Variants in CEP112 observed in about 807,000 individuals in gnomAD.
CEP112 encodes the protein centrosomal protein of 112 kDa.
A neutral mutation model predicts 153.0 loss-of-function variants in CEP112; 127 were observed. The observed-to-expected ratio is 0.83, with a 90% confidence interval of 0.72 to 0.96. The LOEUF is 0.96. Ranked by LOEUF, CEP112 falls within the 40% of genes least tolerant of loss-of-function variation. The pLI is 0.00. For missense variants in CEP112, 1,089 were observed against 1,101.2 expected (o/e 0.99, Z 0.16); for synonymous variants, 358 against 374.4 (o/e 0.96, Z 0.51).
intron 24 of CEP112, among the ~76,000 whole-genome samples, chr17:65,679,203 C>T (rs1237110340): frequency 1.2e-4 from 13 of 110,228 alleles, no homozygotes; most frequent in East Asian, 3.1e-4. Context: ...CAAACTGTCA[C>T]GGAGAATAAC....
intron 6 of CEP112, among the ~76,000 whole-genome samples, chr17:66,100,052 A>G (rs1200229044): frequency 1.3e-5 from 2 of 152,192 alleles, no homozygotes; most frequent in African/African-American, 4.8e-5. Context: ...ATAGGAGGTG[A>G]CTAGATTCAG....
At chr17:66,186,258 C>G (rs78675586) in intron 1 of CEP112, among the ~76,000 whole-genome samples, 1 of 152,056 alleles carries the variant, frequency 6.6e-6, no homozygotes, top group Non-Finnish European at 1.5e-5. Context: ...CAAAGAAACC[C>G]GTCTGAAACT....
chr17:65,644,744 T>C (rs893151870), intron 24 of CEP112: 10 of 153,348 alleles, frequency 6.5e-5, no homozygotes, highest in African/African-American at 2.4e-4. Context: ...TCTCATAACT[T>C]TGTGAACACA....
intron 18 of CEP112, among the ~76,000 whole-genome samples, chr17:65,936,911 C>A (rs1262540147): frequency 1.7e-4 from 25 of 150,956 alleles, no homozygotes; most frequent in Admixed American, 1.7e-3. Context: ...ACTGCAACCT[C>A]CCTGCCTGAT....
chr17:66,049,482 G>A (rs140863887), intron 12 of CEP112, among the ~76,000 whole-genome samples: 43 of 152,286 alleles, frequency 2.8e-4, no homozygotes, highest in Non-Finnish European at 5.1e-4. Context: ...AGCTGCAGTG[G>A]TGCACACCTG....
chr17:66,131,437 A>T (rs7211683), intron 5 of CEP112, among the ~76,000 whole-genome samples: 20,236 of 152,248 alleles, frequency 0.13, 1,841 homozygotes, highest in Non-Finnish European at 0.21. Context: ...ATATAGTGCT[A>T]TGTGCTAAAA....
At chr17:66,150,039 G>A (rs1456458560) in intron 4 of CEP112, among the ~76,000 whole-genome samples, 3 of 148,642 alleles carry the variant, frequency 2.0e-5, no homozygotes, top group Non-Finnish European at 3.0e-5. Context: ...CACTACGGGC[G>A]CATGCTATCA....
At chr17:65,668,880 C>T (rs1290455620) in intron 24 of CEP112, among the ~76,000 whole-genome samples, 1 of 152,170 alleles carries the variant, frequency 6.6e-6, no homozygotes, top group Non-Finnish European at 1.5e-5. Context: ...TTCCATTGGC[C>T]TCTCCTTTCT....
chr17:65,874,569 A>T (rs1020687891), intron 20 of CEP112, among the ~76,000 whole-genome samples: 2 of 152,116 alleles, frequency 1.3e-5, no homozygotes, highest in African/African-American at 4.8e-5. Context: ...TTTCTCTCTG[A>T]AATAATGTCA....
intron 1 of CEP112, among the ~76,000 whole-genome samples, chr17:66,186,516 C>T (rs1463440387): frequency 6.6e-6 from 1 of 152,118 alleles, no homozygotes; most frequent in Non-Finnish European, 1.5e-5. Context: ...GTCTTGATCT[C>T]CTGACCTCGT....
chr17:66,171,704 A>G (rs890304833), intron 4 of CEP112, among the ~76,000 whole-genome samples: 9 of 152,216 alleles, frequency 5.9e-5, no homozygotes, highest in Admixed American at 5.2e-4. Context: ...TTATTTTTAA[A>G]TGTCTTCATG....
intron 25 of CEP112, among the ~76,000 whole-genome samples, chr17:65,640,705 T>C (rs1222982008): frequency 6.6e-6 from 1 of 152,190 alleles, no homozygotes; most frequent in Admixed American, 6.5e-5. Context: ...TATTGGAAGG[T>C]AGACTGTAAA....
At chr17:66,038,285 A>C (rs1385540001) in intron 12 of CEP112, among the ~76,000 whole-genome samples, 1 of 152,184 alleles carries the variant, frequency 6.6e-6, no homozygotes, top group Non-Finnish European at 1.5e-5. Flanking sequence ...TCAAACAAAT[A>C]CTTTTGTATA....
rs923068886 is a variant in CEP112 at position 65,826,660 on chromosome 17, C to T, written c.2394+25144G>A. The T allele has an allele frequency of 4.7e-5, 30 of 634,114 alleles. No homozygotes were observed. In the Admixed American group the frequency reaches 7.5e-4, roughly 16 times the overall value. 39.3% of individuals were successfully genotyped at this position (634,114 alleles called of 1,614,324 possible). ...ACTTAGGGACAAGGCAACAGTATGA[C>T]GAAAGGTTGACTTCTGTGCATCACT... is the stretch of plus-strand genomic sequence containing the variant. On this transcript the variant is annotated intron_variant, in intron 21 of 26. Transcript: ENST00000535342.
chr17:65,770,350 TAAA>T (rs569794530), intron 21 of CEP112, among the ~76,000 whole-genome samples: 1 of 149,994 alleles, frequency 6.7e-6, no homozygotes, highest in Non-Finnish European at 1.5e-5. Flanking sequence ...GTGCTGAAAT[TAAA>T]AAAAAAATCT....
In CEP112 at chr17:66,149,304, T is replaced by C. The variant is rs573324251; in HGVS notation, c.471-16541A>G. Among the ~76,000 whole-genome samples the C allele has an allele frequency of 3.3e-5, 5 of 152,236 alleles. No individual in the cohort carries two copies. In the South Asian group the frequency reaches 6.2e-4, roughly 19 times the overall value. ...ATTGGCCTATAGTTTTCTTTCCTTG[T>C]ACCACATTTGTCTAGTTTTAGTATC... On this transcript the variant is annotated intron_variant, in intron 4 of 26. Coordinates refer to ENST00000535342, the MANE Select transcript of CEP112 (RefSeq NM_001199165.4).
chr17:66,170,986 C>T (rs1046290795), intron 4 of CEP112, among the ~76,000 whole-genome samples: 1 of 152,014 alleles, frequency 6.6e-6, no homozygotes, highest in Non-Finnish European at 1.5e-5. Flanking sequence ...ATGCTAAGTA[C>T]ACTAGTATAT....
At chr17:65,969,771 A>G (rs2062580574) in intron 17 of CEP112, among the ~76,000 whole-genome samples, 1 of 152,240 alleles carries the variant, frequency 6.6e-6, no homozygotes. Context: ...CATGTAAATC[A>G]CATAGATGCA....
Position 65,852,453 on chromosome 17 carries a change from C to G in CEP112, c.2164-419G>C, listed in dbSNP as rs539167672. On this transcript the variant is annotated intron_variant, in intron 20 of 26. Transcript: ENST00000535342. Reference sequence around the variant, plus strand: ...TCCCTCCCTTTCCTTCCTTCCCTCCCTCCCTCCCTTTCCTTCCTTCCTTCC... The same window carrying G: ...TCCCTCCCTTTCCTTCCTTCCCTCCGTCCCTCCCTTTCCTTCCTTCCTTCC... Among the ~76,000 whole-genome samples, 94 of 86,686 alleles carry G rather than the reference C, an allele frequency of 1.1e-3. 1 individual carries two copies. The highest frequency in any genetic ancestry group is 4.2e-3 in the African/African-American group (93 of 21,888). 56.9% of individuals were successfully genotyped at this position (86,686 alleles called of 152,430 possible). A position where few individuals can be genotyped will look rare whatever the true frequency, so the allele number is the denominator to read the frequency against.
Sources: gnomAD v4.1 joint callset for allele counts (sites outside exome capture counted in the v4.1 genomes callset) on GRCh38, gnomAD v4.1.1 for gene constraint, MANE v1.5 for transcripts, NCBI Gene and HGNC (gene_info 2026-07-23, HGNC 2026-07-21) for gene names.